KAZN: variants seen among roughly 807,000 people sequenced by gnomAD.
KAZN encodes the protein kazrin, periplakin interacting protein.
A neutral mutation model predicts 87.4 loss-of-function variants in KAZN; 40 were observed. The observed-to-expected ratio is 0.46, with a 90% CI of 0.36 to 0.60. The LOEUF is 0.60. KAZN is among the 20% of genes least tolerant of loss of function. KAZN has a pLI of 0.00. For synonymous variants in KAZN, 466 were observed against 458.3 expected (o/e 1.02, Z -0.22); for missense variants, 898 against 1,073.9 (o/e 0.84, Z 2.29).
At chr1:13,919,513 C>T (rs1048539841) in intron 1 of KAZN, among the ~76,000 whole-genome samples, 1 of 152,172 alleles carries the variant, frequency 6.6e-6, no homozygotes, top group African/African-American at 2.4e-5. Context: ...ACAATGCATT[C>T]TTTTCCAAGT....
chr1:14,507,462 A>G (rs1670643483), intron 2 of KAZN, among the ~76,000 whole-genome samples: 2 of 152,230 alleles, frequency 1.3e-5, no homozygotes, highest in South Asian at 4.1e-4. Flanking sequence ...AAAGTTGCCA[A>G]GCGATGGCTA....
At chr1:14,411,742 A>G (rs1248467960) in intron 2 of KAZN, among the ~76,000 whole-genome samples, 2 of 152,240 alleles carry the variant, frequency 1.3e-5, no homozygotes, top group African/African-American at 4.8e-5. Flanking sequence ...TGAAAAAAAC[A>G]TGTGATTCAA....
At chr1:14,709,153 G>A (rs1421513572) in intron 1 of KAZN, among the ~76,000 whole-genome samples, 1 of 152,164 alleles carries the variant, frequency 6.6e-6, no homozygotes, top group Non-Finnish European at 1.5e-5. Flanking sequence ...ATGAATCGGA[G>A]GCACGAAGCC....
At chr1:14,084,421 A>AC (rs1643789146) in intron 1 of KAZN, among the ~76,000 whole-genome samples, 1 of 151,966 alleles carries the variant, frequency 6.6e-6, no homozygotes, top group Admixed American at 6.6e-5. Flanking sequence ...ATGCAACCTG[A>AC]CCCTATACAG....
chr1:14,339,140 C>A (rs1427035240), intron 2 of KAZN, among the ~76,000 whole-genome samples: 1 of 152,078 alleles, frequency 6.6e-6, no homozygotes, highest in Non-Finnish European at 1.5e-5. Context: ...GGACTGGATT[C>A]TTTATAAAAT....
At chr1:14,739,547 G>A (rs1298357266) in intron 1 of KAZN, among the ~76,000 whole-genome samples, 1 of 152,100 alleles carries the variant, frequency 6.6e-6, no homozygotes, top group Non-Finnish European at 1.5e-5. Flanking sequence ...GCCGGGTGGG[G>A]AAATTCTAAG....
At chr1:14,619,285 A>C (rs1345341331) in intron 1 of KAZN, among the ~76,000 whole-genome samples, 1 of 151,886 alleles carries the variant, frequency 6.6e-6, no homozygotes, top group Non-Finnish European at 1.5e-5. Context: ...GCAGCCTCAA[A>C]CTCCTGGGCT....
intron 2 of KAZN, among the ~76,000 whole-genome samples, chr1:14,406,160 C>T (rs1663835536): frequency 6.6e-6 from 1 of 152,174 alleles, no homozygotes; most frequent in Non-Finnish European, 1.5e-5. Context: ...CCATTCTCCA[C>T]AATCTACTTT....
At chr1:14,103,633 G>A (rs756934982) in intron 1 of KAZN, among the ~76,000 whole-genome samples, 31 of 151,992 alleles carry the variant, frequency 2.0e-4, no homozygotes, top group Non-Finnish European at 3.4e-4. Context: ...CTCACATTGC[G>A]CCTTTCCAGC....
At chr1:14,891,449 A>T (rs1442493517) in intron 1 of KAZN, among the ~76,000 whole-genome samples, 12 of 152,190 alleles carry the variant, frequency 7.9e-5, no homozygotes, top group Non-Finnish European at 1.5e-5. Context: ...TTAGAATAAT[A>T]GTCTCCAATC....
At chr1:14,474,413 C>T (rs2148376606) in intron 2 of KAZN, among the ~76,000 whole-genome samples, 1 of 152,176 alleles carries the variant, frequency 6.6e-6, no homozygotes, top group South Asian at 2.1e-4. Flanking sequence ...GAGCTGAGTT[C>T]TACATAATGA....
intron 2 of KAZN, among the ~76,000 whole-genome samples, chr1:14,379,179 C>G (rs962317688): frequency 6.6e-6 from 1 of 151,204 alleles, no homozygotes; most frequent in Non-Finnish European, 1.5e-5. Flanking sequence ...ATGCAGTCCT[C>G]GTAGGACCCA....
chr1:14,919,359 G>A (rs1557620852), intron 1 of KAZN, among the ~76,000 whole-genome samples: 1 of 152,122 alleles, frequency 6.6e-6, no homozygotes, highest in Non-Finnish European at 1.5e-5. Flanking sequence ...GTATTTTTAG[G>A]AGAGACAGGG....
At chr1:14,347,848 G>A (rs887182926) in intron 2 of KAZN, among the ~76,000 whole-genome samples, 2 of 151,238 alleles carry the variant, frequency 1.3e-5, no homozygotes, top group African/African-American at 4.9e-5. Flanking sequence ...TTTCTACAAT[G>A]GGCATATACT....
chr1:14,285,398 C>T (rs1409201641), intron 2 of KAZN, among the ~76,000 whole-genome samples: 2 of 152,226 alleles, frequency 1.3e-5, no homozygotes, highest in Non-Finnish European at 2.9e-5. Flanking sequence ...GCAAAACTGT[C>T]TTCCTAACAT....
intron 2 of KAZN, among the ~76,000 whole-genome samples, chr1:14,394,642 A>G (rs553142218): frequency 9.2e-5 from 14 of 152,264 alleles, no homozygotes; most frequent in Middle Eastern, 3.4e-3. Flanking sequence ...CTCCTTTACA[A>G]TCTTAACACT....
In KAZN at chr1:15,094,537, C is replaced by T. The variant is rs906397140; in HGVS notation, c.1428+152C>T. 5.9e-5 allele frequency among the ~76,000 whole-genome samples: 9 copies of T among 152,192 alleles called. No homozygotes were observed. The highest frequency in any genetic ancestry group is 1.0e-4 in the Non-Finnish European group (7 of 68,014). ...ATGCAATCAGCCTCTGATGTACCTGCTCATTGTGCCTCCCTGGCAAGGCAG... is the reference window on the plus strand; with the variant it reads ...ATGCAATCAGCCTCTGATGTACCTGTTCATTGTGCCTCCCTGGCAAGGCAG... On this transcript the variant is annotated intron_variant, in intron 9 of 14. Transcript: ENST00000376030. This position sits in a 1 kb window ranked among gnomAD's most constrained non-coding sequence, Gnocchi z 4.5.
chr1:14,631,394 G>T (rs1039006474), intron 1 of KAZN, among the ~76,000 whole-genome samples: 8 of 152,216 alleles, frequency 5.3e-5, no homozygotes, highest in African/African-American at 1.9e-4. Flanking sequence ...CTAGGGCTGG[G>T]AATTACCATC....
intron 1 of KAZN, among the ~76,000 whole-genome samples, chr1:14,768,518 A>G (rs1644942890): frequency 6.6e-6 from 1 of 152,220 alleles, no homozygotes; most frequent in Admixed American, 6.5e-5. Flanking sequence ...ATGCAAGACA[A>G]ATGAGATTCA....
Sources: allele counts gnomAD v4.1 joint callset (sites outside exome capture counted in the v4.1 genomes callset), GRCh38; gene constraint gnomAD v4.1.1; non-coding constraint Gnocchi (gnomAD v3.1); transcripts MANE v1.5; gene names NCBI Gene and HGNC (gene_info 2026-07-23, HGNC 2026-07-21).